Variants in SUPT3H observed in about 807,000 individuals in gnomAD.
SUPT3H encodes transcription initiation protein SPT3 homolog.
In SUPT3H, 44 loss-of-function variants were observed where a neutral mutation model predicts 44.3. The observed-to-expected ratio is 0.99, with a 90% CI of 0.78 to 1.28. SUPT3H has a LOEUF of 1.28. SUPT3H is among the 50% of genes most tolerant of loss of function. SUPT3H has a pLI of 0.00. For missense variants in SUPT3H, 380 were observed against 387.1 expected, an observed-to-expected ratio of 0.98 and a Z score of 0.15; for synonymous variants, 124 against 125.6, an observed-to-expected ratio of 0.99 and a Z score of 0.09.
chr6:44,888,694 G>C (rs1345040473), intron 10 of SUPT3H, among the ~76,000 whole-genome samples: 1 of 151,822 alleles, frequency 6.6e-6, no homozygotes, highest in African/African-American at 2.4e-5. Context: ...CATTCCCTTT[G>C]AAAACTGGCA....
chr6:44,881,325 CAAG>C (rs1778187842), intron 10 of SUPT3H, among the ~76,000 whole-genome samples: 2 of 152,238 alleles, frequency 1.3e-5, no homozygotes, highest in Middle Eastern at 6.8e-3. Flanking sequence ...ATCAATGCAA[CAAG>C]AAGAGCTAAC....
chr6:45,171,450 T>C (rs116483106), intron 2 of SUPT3H, among the ~76,000 whole-genome samples: 3,477 of 152,184 alleles, frequency 0.023, 130 homozygotes, highest in African/African-American at 0.079. Context: ...TGAATAAATA[T>C]AAACAAATAT....
intron 10 of SUPT3H, among the ~76,000 whole-genome samples, chr6:44,843,927 G>GCACACACACACA (rs56329630): frequency 4.0e-4 from 59 of 148,106 alleles, no homozygotes; most frequent in Admixed American, 3.1e-3. Flanking sequence ...ACACACACAC[G>GCACACACACACA]CACACACACA....
At chr6:45,016,253 A>G (rs988325325) in intron 4 of SUPT3H, among the ~76,000 whole-genome samples, 1 of 152,036 alleles carries the variant, frequency 6.6e-6, no homozygotes, top group African/African-American at 2.4e-5. Flanking sequence ...ATCTTATGGG[A>G]CTACTGCTGT....
chr6:45,218,567 T>TA (rs1765470130), intron 2 of SUPT3H, among the ~76,000 whole-genome samples: 1 of 152,092 alleles, frequency 6.6e-6, no homozygotes, highest in Non-Finnish European at 1.5e-5. Context: ...CCACCTCTAC[T>TA]AAAAAAATAT....
At chr6:45,216,822 G>A (rs1047060027) in intron 2 of SUPT3H, among the ~76,000 whole-genome samples, 1 of 152,010 alleles carries the variant, frequency 6.6e-6, no homozygotes, top group Non-Finnish European at 1.5e-5. Context: ...TATACCTAAC[G>A]AGAGAAACAG....
chr6:45,121,656 A>G (rs1801685671), intron 2 of SUPT3H, among the ~76,000 whole-genome samples: 2 of 151,534 alleles, frequency 1.3e-5, no homozygotes, highest in African/African-American at 4.9e-5. Flanking sequence ...CTACTTATAG[A>G]TTTTTTTTGG....
chr6:45,272,315 C>G (rs1776320104), intron 2 of SUPT3H, among the ~76,000 whole-genome samples: 1 of 152,040 alleles, frequency 6.6e-6, no homozygotes, highest in Non-Finnish European at 1.5e-5. Context: ...GTGGGAGGGA[C>G]AAGTGGGAGG....
intron 2 of SUPT3H, among the ~76,000 whole-genome samples, chr6:45,310,541 C>T (rs1783776129): frequency 6.6e-6 from 1 of 152,168 alleles, no homozygotes; most frequent in African/African-American, 2.4e-5. Flanking sequence ...CCCTCCACCA[C>T]CTCCACCAGA....
intron 2 of SUPT3H, among the ~76,000 whole-genome samples, chr6:45,349,835 T>C (rs1791652312): frequency 6.6e-6 from 1 of 152,250 alleles, no homozygotes; most frequent in Non-Finnish European, 1.5e-5. Flanking sequence ...AATCAGTTCA[T>C]GTTGTCAATG....
At chr6:45,122,181 C>A (rs143802756) in intron 2 of SUPT3H, among the ~76,000 whole-genome samples, 289 of 152,142 alleles carry the variant, frequency 1.9e-3, no homozygotes, top group Non-Finnish European at 3.4e-3. Context: ...AATGCTAGAG[C>A]CTACAATAAT....
intron 2 of SUPT3H, among the ~76,000 whole-genome samples, chr6:45,247,533 T>G (rs1222918037): frequency 2.0e-5 from 3 of 152,166 alleles, no homozygotes; most frequent in Non-Finnish European, 4.4e-5. Flanking sequence ...AAAAAAACTC[T>G]TAAGTCTTAA....
intron 10 of SUPT3H, among the ~76,000 whole-genome samples, chr6:44,909,305 C>A (rs185369617): frequency 2.0e-3 from 306 of 152,196 alleles, no homozygotes; most frequent in African/African-American, 6.6e-3. Context: ...ATTACTGTAG[C>A]TTTGTAATGT....
chr6:44,922,126 C>T (rs574960681), intron 10 of SUPT3H, among the ~76,000 whole-genome samples: 12 of 151,704 alleles, frequency 7.9e-5, no homozygotes, highest in South Asian at 4.2e-4. Context: ...TTTCTCTTCT[C>T]GCATCCTAGA....
At chr6:45,202,651 C>A (rs561066195) in intron 2 of SUPT3H, among the ~76,000 whole-genome samples, 1 of 152,110 alleles carries the variant, frequency 6.6e-6, no homozygotes, top group African/African-American at 2.4e-5. Context: ...TATTACTACT[C>A]GTACTATCAA....
chr6:45,267,102 C>T (rs1380086773), intron 2 of SUPT3H, among the ~76,000 whole-genome samples: 1 of 152,064 alleles, frequency 6.6e-6, no homozygotes, highest in Non-Finnish European at 1.5e-5. Context: ...ATTATATATA[C>T]ACAAGTATTC....
intron 2 of SUPT3H, among the ~76,000 whole-genome samples, chr6:45,298,257 C>T (rs1781600329): frequency 6.6e-6 from 1 of 152,020 alleles, no homozygotes; most frequent in Admixed American, 6.5e-5. Context: ...GATGACAGTG[C>T]CATTAAGAAA....
At chr6:45,309,501 T>C (rs1584846478) in intron 2 of SUPT3H, among the ~76,000 whole-genome samples, 1 of 151,212 alleles carries the variant, frequency 6.6e-6, no homozygotes, top group Admixed American at 6.6e-5. Flanking sequence ...ATAAAATATA[T>C]GAGACAGCAT....
intron 2 of SUPT3H, among the ~76,000 whole-genome samples, chr6:45,146,960 T>C (rs938812075): frequency 6.6e-6 from 1 of 152,112 alleles, no homozygotes; most frequent in African/African-American, 2.4e-5. Context: ...TTCATAATAA[T>C]TGAGAACAAC....
Sources: allele counts gnomAD v4.1 joint callset (sites outside exome capture counted in the v4.1 genomes callset), GRCh38; gene constraint gnomAD v4.1.1; transcripts MANE v1.5; gene names NCBI Gene and HGNC (gene_info 2026-07-23, HGNC 2026-07-21).